ABCB1: variants seen among roughly 807,000 people sequenced by gnomAD.
ABCB1 encodes the protein ATP-dependent translocase ABCB1.
Under a neutral mutation model 142.0 loss-of-function variants are expected in ABCB1, and 69 were observed. The ratio of observed to expected loss-of-function variants is 0.49; its 90% CI spans 0.40 to 0.59. ABCB1 has a LOEUF of 0.59. ABCB1 is among the 20% of genes least tolerant of loss of function. The probability of loss-of-function intolerance (pLI) is 0.00; values close to 1 mark genes in which losing one functional copy is unlikely to be tolerated. For synonymous variants in ABCB1, 532 were observed against 539.2 expected (o/e 0.99, Z 0.18); for missense variants, 1,326 against 1,554.7 (o/e 0.85, Z 2.47).
In ABCB1 at chr7:87,519,212, G is replaced by C. The variant is rs1815378173; in HGVS notation, c.2927+114C>G. 3 of 1,049,030 alleles carry C rather than the reference G, an allele frequency of 2.9e-6. No homozygotes were observed. The South Asian group carries it at 4.1e-5, about 14-fold the overall frequency. The allele number at this position is 1,049,030 out of a possible 1,614,324, so 65.0% of individuals were successfully genotyped here. A position where few individuals can be genotyped will look rare whatever the true frequency, so the allele number is the denominator to read the frequency against. On this transcript the variant is annotated intron_variant, in intron 23 of 27. Transcript: ENST00000622132. Reference sequence around the variant, plus strand: ...CTCAGAGGCAGAAATGCCGATTTAGGAATCACCAGAATCTCTTCATGAGGC... The same window carrying C: ...CTCAGAGGCAGAAATGCCGATTTAGCAATCACCAGAATCTCTTCATGAGGC...
At chr7:87,623,136 TTACTTAATGTCTCCAAG>T (rs1820285809) in intron 1 of ABCB1, among the ~76,000 whole-genome samples, 1 of 152,206 alleles carries the variant, frequency 6.6e-6, no homozygotes, top group African/African-American at 2.4e-5. Flanking sequence ...TTTCTATATG[TTACTTAATGTCTCCAAG>T]TCTCTGTTTC....
At chr7:87,552,485 G>C (rs1262694457) in intron 9 of ABCB1, among the ~76,000 whole-genome samples, 3 of 152,064 alleles carry the variant, frequency 2.0e-5, no homozygotes, top group Non-Finnish European at 2.9e-5. Flanking sequence ...TTTGAATCAA[G>C]TTGGTCCGAT....
chr7:87,706,614 C>G (rs746088435), intron 1 of ABCB1, among the ~76,000 whole-genome samples: 1 of 152,180 alleles, frequency 6.6e-6, no homozygotes, highest in Non-Finnish European at 1.5e-5. Context: ...GGATATTACA[C>G]GAGCTGAGCC....
At chr7:87,643,849 A>G (rs945743527) in intron 1 of ABCB1, among the ~76,000 whole-genome samples, 3 of 151,642 alleles carry the variant, frequency 2.0e-5, no homozygotes, top group Non-Finnish European at 4.4e-5. Context: ...GTTGCATAAT[A>G]TTTGAAGAAA....
At chr7:87,605,500 C>T (rs1424245970), upstream of ABCB1, among the ~76,000 whole-genome samples, 1 of 152,046 alleles carries the variant, frequency 6.6e-6, no homozygotes, top group African/African-American at 2.4e-5. Flanking sequence ...AAGTCACTGC[C>T]CCCTATTAAA....
At chr7:87,534,807 A>G (rs1327146909) in intron 20 of ABCB1, among the ~76,000 whole-genome samples, 1 of 151,004 alleles carries the variant, frequency 6.6e-6, no homozygotes, top group Non-Finnish European at 1.5e-5. Context: ...CCCAGCTACC[A>G]GGAAGGCTGA....
chr7:87,515,237 C>T lies in ABCB1; in HGVS notation c.3276G>A (p.Gly1092=). 1.9e-6 allele frequency: 3 copies of T among 1,613,562 alleles called. No individual in the cohort carries two copies. ...AATGTGAAAGTGTGCTCACCACTTT[C>T]CCTGCCAAGGGGTCGTAGAACCGCT... ...LLERFYDPLA[G]KVLLDGKEIK... The change falls in exon 25 of 28, where the codon GGG becomes GGA. Residue 1092 remains glycine (G), a synonymous_variant. Coordinates refer to ENST00000622132, the MANE Select transcript of ABCB1 (RefSeq NM_001348946.2).
intron 1 of ABCB1, among the ~76,000 whole-genome samples, chr7:87,626,235 G>GTGTCATATATGTGTCATATATATC (rs1820494842): frequency 1.8e-5 from 1 of 56,630 alleles, no homozygotes; most frequent in Non-Finnish European, 4.2e-5. Context: ...TCATATATAT[G>GTGTCATATATGTGTCATATATATC]TGTCATATAT....
intron 2 of ABCB1, among the ~76,000 whole-genome samples, chr7:87,596,016 C>T (rs559907315): frequency 2.2e-4 from 33 of 152,078 alleles, no homozygotes; most frequent in African/African-American, 6.3e-4. Flanking sequence ...AATCTACATA[C>T]GTGGTTATCA....
intron 1 of ABCB1, among the ~76,000 whole-genome samples, chr7:87,685,622 A>G (rs1827381357): frequency 6.6e-6 from 1 of 152,226 alleles, no homozygotes. Flanking sequence ...ACATTCTAGG[A>G]AAGACCAAAC....
chr7:87,529,934 G>A (rs193297455), intron 21 of ABCB1, among the ~76,000 whole-genome samples: 268 of 152,324 alleles, frequency 1.8e-3, no homozygotes, highest in African/African-American at 6.1e-3. Context: ...ATAGGCCTCC[G>A]GGAGCCTGAT....
chr7:87,638,969 G>A (rs948801586), intron 1 of ABCB1, among the ~76,000 whole-genome samples: 3 of 151,968 alleles, frequency 2.0e-5, no homozygotes, highest in South Asian at 4.2e-4. Context: ...TGGCTAACAC[G>A]GTGAAACCCC....
Position 87,550,040 on chromosome 7 carries a change from T to C in ABCB1, c.1365A>G (p.Gly455=). The change falls in exon 13 of 28, where the codon GGA becomes GGG. Residue 455 remains glycine (G), a synonymous_variant. Coordinates refer to ENST00000622132, the MANE Select transcript of ABCB1 (RefSeq NM_001348946.2). ...DPTEGMVSVD[G]QDIRTINVRF... is the part of the protein sequence containing the mutation. ...TTACATTTATGGTCCTAATATCCTG[T>C]CCATCAACACTGACCTGGAATAAAA... 1 of 1,614,210 alleles carries C rather than the reference T, an allele frequency of 6.2e-7. No individual in the cohort carries two copies. Among genetic ancestry groups the C allele is most frequent in the Non-Finnish European group, 8.5e-7 (1 of 1,180,028 alleles).
intron 1 of ABCB1, chr7:87,627,925 A>G (rs1237467922): frequency 6.6e-6 from 1 of 152,298 alleles, no homozygotes; most frequent in East Asian, 1.9e-4. Context: ...AGATTCTACG[A>G]GCAATTCCCC....
At chr7:87,576,024 T>C (rs1818260318) in intron 4 of ABCB1, among the ~76,000 whole-genome samples, 1 of 152,204 alleles carries the variant, frequency 6.6e-6, no homozygotes, top group Non-Finnish European at 1.5e-5. Context: ...GGCATGTATG[T>C]CTATAAATTA....
intron 4 of ABCB1, 83 bp downstream of exon 4, chr7:87,585,429 T>C: frequency 7.2e-7 from 1 of 1,394,900 alleles, no homozygotes; most frequent in Non-Finnish European, 1.0e-6. Flanking sequence ...AATGTGTATT[T>C]AGTAAAGAAT....
intron 4 of ABCB1, among the ~76,000 whole-genome samples, chr7:87,577,390 C>T (rs993215377): frequency 1.3e-5 from 2 of 152,018 alleles, no homozygotes; most frequent in African/African-American, 2.4e-5. Flanking sequence ...AGTGCAGGTT[C>T]GATATACTGG....
chr7:87,536,668 T>C, intron 19 of ABCB1, 127 bp from the exon 20 acceptor site: 1 of 774,012 alleles, frequency 1.3e-6, no homozygotes, highest in Non-Finnish European at 2.3e-6. Flanking sequence ...GGATGTGACA[T>C]TCAATACACA....
intron 20 of ABCB1, among the ~76,000 whole-genome samples, chr7:87,534,894 T>G (rs1164952419): frequency 8.2e-6 from 1 of 121,670 alleles, no homozygotes; most frequent in Non-Finnish European, 1.6e-5. Flanking sequence ...TGGCCTGGGC[T>G]ACAAAGAGAG....
Sources: gnomAD v4.1 joint callset for allele counts (sites outside exome capture counted in the v4.1 genomes callset) on GRCh38, gnomAD v4.1.1 for gene constraint, MANE v1.5 for transcripts, NCBI Gene and HGNC (gene_info 2026-07-23, HGNC 2026-07-21) for gene names.